PTCHD4: variants seen among roughly 807,000 people sequenced by gnomAD.
The protein encoded by PTCHD4 is patched domain-containing protein 4.
A neutral mutation model predicts 58.1 loss-of-function variants in PTCHD4; 33 were observed. That is an observed-to-expected ratio of 0.57 (90% CI 0.43 to 0.76). The LOEUF (loss-of-function observed/expected upper bound fraction) is 0.76. Among genes scored for constraint, PTCHD4 ranks in the 30% least tolerant of loss-of-function variants. PTCHD4 has a pLI of 0.00. For missense variants in PTCHD4, 1,058 were observed against 1,027.1 expected (o/e 1.03, Z -0.41); for synonymous variants, 478 against 409.6 (o/e 1.17, Z -2.02).
intron 4 of PTCHD4, among the ~76,000 whole-genome samples, chr6:47,883,079 G>A (rs943752198): frequency 5.9e-5 from 9 of 151,348 alleles, no homozygotes; most frequent in South Asian, 2.1e-4. Flanking sequence ...TATAAATATC[G>A]ATTGTATCCA....
rs1449528821 is a variant in PTCHD4 at position 47,868,180 on chromosome 6, C to T, written c.*10123G>A. Among the ~76,000 whole-genome samples the T allele has an allele frequency of 4.0e-5, 6 of 151,526 alleles. No individual in the cohort carries two copies. The highest frequency in any genetic ancestry group is 1.5e-4 in the African/African-American group (6 of 41,310). On this transcript the variant is annotated 3_prime_UTR_variant, in exon 5 of 5. Transcript: ENST00000339488. The stretch of plus-strand genomic sequence containing the variant: ...TTTTAGATCCGTTTTAAAATTTTTT[C>T]TCACTTTACCTTTTTTTTTAAAAAA...
chr6:48,098,217 G>A (rs1026900522), intron 1 of PTCHD4, among the ~76,000 whole-genome samples: 5 of 152,148 alleles, frequency 3.3e-5, no homozygotes, highest in Middle Eastern at 3.4e-3. Context: ...CTGAAGTTCC[G>A]ATGCAAGGTG....
Position 47,862,932 on chromosome 6 carries a change from A to G in PTCHD4, c.*15371T>C, listed in dbSNP as rs1177674282. Among the ~76,000 whole-genome samples the G allele has an allele frequency of 1.3e-5, 2 of 151,906 alleles. No homozygotes were observed. The highest frequency in any genetic ancestry group is 2.9e-5 in the Non-Finnish European group (2 of 67,880). On this transcript the variant is annotated 3_prime_UTR_variant, in exon 5 of 5. Transcript: ENST00000339488. ...GTCAATTATATCTGGGAAATCAAAT[A>G]CTGTCTTTATGCTACTGGAACATTA... is the stretch of plus-strand genomic sequence containing the variant.
At chr6:47,937,238 G>GT (rs899701750) in intron 4 of PTCHD4, among the ~76,000 whole-genome samples, 2 of 152,188 alleles carry the variant, frequency 1.3e-5, no homozygotes, top group African/African-American at 4.8e-5. Context: ...ATAATAAACT[G>GT]TAACAGGGCA....
chr6:47,969,343 C>A (rs1217820374), intron 4 of PTCHD4, among the ~76,000 whole-genome samples: 1 of 152,218 alleles, frequency 6.6e-6, no homozygotes, highest in East Asian at 1.9e-4. Flanking sequence ...CGTGCATTTA[C>A]TTGTTGAAAT....
chr6:47,880,354 G>C lies in PTCHD4; in HGVS notation c.899-418C>G, dbSNP rs367567708. Among the ~76,000 whole-genome samples the C allele has an allele frequency of 4.6e-5, 7 of 152,148 alleles. No homozygotes were observed. In the East Asian group the frequency reaches 7.7e-4, roughly 17 times the overall value. ...TGGTTAACTGATTCATTGACTGACA[G>C]TTCCTAACTTTTGTTTCAAGCTGAT... On this transcript the variant is annotated intron_variant, in intron 4 of 4. Transcript: ENST00000339488.
intron 4 of PTCHD4, among the ~76,000 whole-genome samples, chr6:47,919,949 T>C (rs1300782085): frequency 1.3e-5 from 2 of 152,150 alleles, no homozygotes; most frequent in Non-Finnish European, 2.9e-5. Context: ...CTTTAGGATC[T>C]GAACCTTACA....
At chr6:48,039,083 G>A (rs765266559) in intron 3 of PTCHD4, among the ~76,000 whole-genome samples, 8 of 152,128 alleles carry the variant, frequency 5.3e-5, no homozygotes, top group Non-Finnish European at 7.4e-5. Flanking sequence ...ACATGCACTT[G>A]GAGACAGGCA....
intron 4 of PTCHD4, among the ~76,000 whole-genome samples, chr6:47,884,992 G>A (rs915238938): frequency 1.3e-5 from 2 of 152,084 alleles, no homozygotes; most frequent in Non-Finnish European, 2.9e-5. Flanking sequence ...GCTATAGCGA[G>A]CTGGTATACT....
intron 4 of PTCHD4, among the ~76,000 whole-genome samples, chr6:47,975,400 T>TA (rs1561986369): frequency 6.6e-6 from 1 of 152,166 alleles, no homozygotes; most frequent in Non-Finnish European, 1.5e-5. Flanking sequence ...TTACATTTTT[T>TA]AAAAAAATTA....
intron 4 of PTCHD4, among the ~76,000 whole-genome samples, chr6:47,916,502 G>T (rs1381931833): frequency 6.6e-6 from 1 of 152,004 alleles, no homozygotes; most frequent in Non-Finnish European, 1.5e-5. Context: ...CAAATAATCA[G>T]TCGATTAGGA....
chr6:48,060,126 C>A (rs188728648), intron 3 of PTCHD4, among the ~76,000 whole-genome samples: 1 of 152,216 alleles, frequency 6.6e-6, no homozygotes, highest in Admixed American at 6.5e-5. Context: ...CAGTGGCCAA[C>A]ACATTGCATG....
intron 4 of PTCHD4, chr6:47,902,014 G>T: frequency 1.1e-6 from 1 of 890,542 alleles, no homozygotes; most frequent in Non-Finnish European, 1.6e-6. Flanking sequence ...ACTTAGTATA[G>T]TAAAAACACT....
rs113996843 is a variant in PTCHD4, at chr6:48,053,985, G to A, written c.417+14245C>T. 7.2e-3 allele frequency among the ~76,000 whole-genome samples: 1,098 copies of A among 152,118 alleles called. 19 individuals carry two copies. The highest frequency in any genetic ancestry group is 0.022 in the African/African-American group (911 of 41,498). On this transcript the variant is annotated intron_variant, in intron 3 of 4. Transcript: ENST00000339488. The stretch of plus-strand genomic sequence containing the variant: ...AAGTGTTCCCTTATCCTCTCATCCC[G>A]TCCACAAAAGAGCTAGGTAAGATAG...
intron 1 of PTCHD4, among the ~76,000 whole-genome samples, chr6:48,096,610 T>TA (rs386406978): frequency 0.75 from 100,834 of 134,612 alleles, 37,430 homozygotes; most frequent in East Asian, 0.84. Context: ...AGACTCTGCC[T>TA]AAAAAAAAAA....
intron 4 of PTCHD4, among the ~76,000 whole-genome samples, chr6:47,935,794 G>A (rs1765978874): frequency 6.6e-6 from 1 of 152,128 alleles, no homozygotes; most frequent in African/African-American, 2.4e-5. Flanking sequence ...TCTGATGAGT[G>A]AGACAGGTAA....
At position 47,875,523 on chromosome 6, in the gene PTCHD4, A is replaced by G. The variant is rs193052476; in HGVS notation, c.*2780T>C. ...GTATATTAACTCTTCCAGAACAAATAATTCCATTTCAGTAAATTATTGCTA... is the reference window on the plus strand; with the variant it reads ...GTATATTAACTCTTCCAGAACAAATGATTCCATTTCAGTAAATTATTGCTA... On this transcript the variant is annotated 3_prime_UTR_variant, in exon 5 of 5. Coordinates refer to ENST00000339488, the MANE Select transcript of PTCHD4 (RefSeq NM_001384253.1). Among the ~76,000 whole-genome samples, 2 of 151,948 alleles carry G rather than the reference A, an allele frequency of 1.3e-5. No individual in the cohort carries two copies. Among genetic ancestry groups the G allele is most frequent in the Non-Finnish European group, 2.9e-5 (2 of 67,836 alleles).
chr6:48,016,823 C>T (rs1762884962), intron 3 of PTCHD4, among the ~76,000 whole-genome samples: 1 of 150,432 alleles, frequency 6.6e-6, no homozygotes, highest in Non-Finnish European at 1.5e-5. Flanking sequence ...GACAATAGTG[C>T]AGAGAAAAAA....
intron 4 of PTCHD4, among the ~76,000 whole-genome samples, chr6:47,921,891 A>C (rs1765441970): frequency 6.6e-6 from 1 of 151,220 alleles, no homozygotes; most frequent in African/African-American, 2.4e-5. Context: ...TAGGAGGAAC[A>C]CTTGAGACCA....
Sources: gnomAD v4.1 joint callset for allele counts (sites outside exome capture counted in the v4.1 genomes callset) on GRCh38, gnomAD v4.1.1 for gene constraint, MANE v1.5 for transcripts, NCBI Gene and HGNC (gene_info 2026-07-23, HGNC 2026-07-21) for gene names.